The following NUBPL variants were observed in gnomAD, a reference collection of about 807,000 sequenced individuals.
The protein encoded by NUBPL is NUBP iron-sulfur cluster assembly factor, mitochondrial, also known as iron-sulfur cluster transfer protein NUBPL.
A neutral mutation model predicts 45.7 loss-of-function variants in NUBPL; 31 were observed. That is an observed-to-expected ratio of 0.68 (90% confidence interval 0.51 to 0.92). NUBPL has a LOEUF of 0.92. NUBPL is among the 40% of genes least tolerant of loss of function. The pLI is 0.00. For synonymous variants in NUBPL, 144 were observed against 140.9 expected, an observed-to-expected ratio of 1.02 and a Z score of -0.15; for missense variants, 401 against 398.7, an observed-to-expected ratio of 1.01 and a Z score of -0.05.
chr14:31,580,837 T>G (rs994424481), intron 3 of NUBPL, among the ~76,000 whole-genome samples: 13 of 152,076 alleles, frequency 8.5e-5, no homozygotes, highest in Admixed American at 2.6e-4. Context: ...AGGAAGAAGG[T>G]CCATGTGATT....
chr14:31,841,917 C>CTTTTGG, intron 8 of NUBPL, among the ~76,000 whole-genome samples: 1 of 43,036 alleles, frequency 2.3e-5, no homozygotes, highest in African/African-American at 9.3e-5. Flanking sequence ...CGATTCTGGG[C>CTTTTGG]TTTTTTTTTT....
chr14:31,703,760 C>T (rs549134857), intron 6 of NUBPL, among the ~76,000 whole-genome samples: 1 of 152,326 alleles, frequency 6.6e-6, no homozygotes, highest in Admixed American at 6.5e-5. Context: ...GGCGGGGACA[C>T]AGAGCCAAGC....
chr14:31,728,414 G>A (rs1002702611), intron 6 of NUBPL, among the ~76,000 whole-genome samples: 2 of 152,058 alleles, frequency 1.3e-5, no homozygotes, highest in Admixed American at 6.5e-5. Flanking sequence ...GATTACAGGC[G>A]TGAGCTACTG....
intron 6 of NUBPL, among the ~76,000 whole-genome samples, chr14:31,677,333 C>T (rs112408946): frequency 6.6e-6 from 1 of 152,134 alleles, no homozygotes; most frequent in Admixed American, 6.5e-5. Flanking sequence ...TTCCCTCCAC[C>T]CCCACCACCC....
At chr14:31,828,202 T>A (rs2040135270) in intron 8 of NUBPL, among the ~76,000 whole-genome samples, 1 of 152,184 alleles carries the variant, frequency 6.6e-6, no homozygotes, top group African/African-American at 2.4e-5. Context: ...CCGAAAACTC[T>A]CTCTAAAGCA....
chr14:31,769,225 A>G (rs931100164), intron 6 of NUBPL, among the ~76,000 whole-genome samples: 1 of 152,326 alleles, frequency 6.6e-6, no homozygotes. Context: ...AGATGAATAC[A>G]TAGCTCATAG....
At chr14:31,711,782 T>C (rs1008574813) in intron 6 of NUBPL, among the ~76,000 whole-genome samples, 5 of 152,090 alleles carry the variant, frequency 3.3e-5, no homozygotes, top group African/African-American at 1.2e-4. Context: ...CTGGAGTTGT[T>C]CATTCCTTCC....
At chr14:31,679,905 A>T (rs2036790176) in intron 6 of NUBPL, among the ~76,000 whole-genome samples, 2 of 152,058 alleles carry the variant, frequency 1.3e-5, no homozygotes, top group African/African-American at 4.8e-5. Flanking sequence ...GAGATTCTTT[A>T]ATTTCTTGGA....
At chr14:31,756,359 A>G (rs1443982045) in intron 6 of NUBPL, among the ~76,000 whole-genome samples, 6 of 151,846 alleles carry the variant, frequency 4.0e-5, no homozygotes, top group Admixed American at 1.3e-4. Context: ...ATTTGTTTGT[A>G]TCCTCTTTTA....
intron 8 of NUBPL, among the ~76,000 whole-genome samples, chr14:31,831,986 C>G (rs1447800487): frequency 6.6e-6 from 1 of 152,044 alleles, no homozygotes; most frequent in Non-Finnish European, 1.5e-5. Context: ...ACCAACAGAT[C>G]GTGAAATTGA....
At chr14:31,809,778 A>G (rs560959909) in intron 7 of NUBPL, among the ~76,000 whole-genome samples, 54 of 152,270 alleles carry the variant, frequency 3.5e-4, no homozygotes, top group Non-Finnish European at 4.9e-4. Context: ...CCCTCTACAC[A>G]CTGCTTTAAA....
At chr14:31,636,371 C>G (rs762259078) in intron 4 of NUBPL, among the ~76,000 whole-genome samples, 2 of 152,068 alleles carry the variant, frequency 1.3e-5, no homozygotes, top group Non-Finnish European at 2.9e-5. Context: ...GTCTTTGGTT[C>G]TGTTTATATG....
chr14:31,834,821 G>A (rs964046192), intron 8 of NUBPL, among the ~76,000 whole-genome samples: 1 of 152,140 alleles, frequency 6.6e-6, no homozygotes, highest in South Asian at 2.1e-4. Flanking sequence ...ATATCTATTT[G>A]TTTAGTGGGA....
intron 6 of NUBPL, among the ~76,000 whole-genome samples, chr14:31,750,766 A>G (rs1032998267): frequency 7.2e-5 from 11 of 152,082 alleles, no homozygotes; most frequent in Non-Finnish European, 1.3e-4. Context: ...CTGGTTGTAT[A>G]TAGTAATGTG....
chr14:31,613,804 C>A (rs917378152), intron 4 of NUBPL, among the ~76,000 whole-genome samples: 6 of 151,914 alleles, frequency 3.9e-5, no homozygotes, highest in African/African-American at 1.5e-4. Flanking sequence ...GAGGATGGTA[C>A]CCTATCTCCA....
intron 7 of NUBPL, among the ~76,000 whole-genome samples, chr14:31,810,705 C>G (rs1595663822): frequency 6.6e-6 from 1 of 152,160 alleles, no homozygotes; most frequent in Non-Finnish European, 1.5e-5. Flanking sequence ...GCAGTTTCTT[C>G]CTAGCATCAA....
intron 7 of NUBPL, among the ~76,000 whole-genome samples, chr14:31,806,155 G>A (rs1461205854): frequency 6.6e-6 from 1 of 152,138 alleles, no homozygotes; most frequent in Non-Finnish European, 1.5e-5. Flanking sequence ...TCTGAAGAAT[G>A]CCTTCACATC....
chr14:31,602,464 T>C (rs2034467797), intron 4 of NUBPL, among the ~76,000 whole-genome samples: 1 of 151,686 alleles, frequency 6.6e-6, no homozygotes, highest in African/African-American at 2.4e-5. Context: ...AATTCGCTAC[T>C]ACAGAAGTTT....
At chr14:31,767,082 A>G (rs1451344655) in intron 6 of NUBPL, among the ~76,000 whole-genome samples, 1 of 152,214 alleles carries the variant, frequency 6.6e-6, no homozygotes, top group Non-Finnish European at 1.5e-5. Flanking sequence ...AGCCCCATAT[A>G]TATATCAGCT....
Sources: gnomAD v4.1 joint callset for allele counts (sites outside exome capture counted in the v4.1 genomes callset) on GRCh38, gnomAD v4.1.1 for gene constraint, MANE v1.5 for transcripts, NCBI Gene and HGNC (gene_info 2026-07-23, HGNC 2026-07-21) for gene names.